The following AGA variants were observed in gnomAD, a reference collection of about 807,000 sequenced individuals.
AGA encodes aspartylglucosaminidase, also known as N(4)-(beta-N-acetylglucosaminyl)-L-asparaginase.
A neutral mutation model predicts 40.1 loss-of-function variants in AGA; 31 were observed. The ratio of observed to expected loss-of-function variants is 0.77; its 90% CI spans 0.58 to 1.04. The LOEUF (loss-of-function observed/expected upper bound fraction) is 1.04, where lower values mean the gene tolerates loss of function less well. Ranked by LOEUF, AGA falls within the 50% of genes least tolerant of loss-of-function variation. The pLI is 0.00. For synonymous variants in AGA, 148 were observed against 144.0 expected, an observed-to-expected ratio of 1.03 and a Z score of -0.20; for missense variants, 445 against 435.4, an observed-to-expected ratio of 1.02 and a Z score of -0.20.
In AGA at chr4:177,439,562, A is replaced by G. The variant is rs1736925120; in HGVS notation, c.394+14T>C. On this transcript the variant is annotated intron_variant, in intron 3 of 8. Transcript: ENST00000264595. ...AAAAGACTAGAAAAAATTTCAGTGT[A>G]GTTAAAAAAATACCTGACTCTCCTA... 2 of 1,572,486 alleles carry G rather than the reference A, an allele frequency of 1.3e-6. No individual in the cohort carries two copies. The highest frequency in any genetic ancestry group is 2.7e-5 in the African/African-American group (2 of 73,938).
chr4:177,440,246 T>C (rs1560950615), intron 2 of AGA, 27 bp downstream of exon 2: 1 of 1,613,462 alleles, frequency 6.2e-7, no homozygotes, highest in East Asian at 2.2e-5. Flanking sequence ...CTCAACATAA[T>C]AAATAGGACC....
At chr4:177,441,519 C>A (rs1737010771) in intron 1 of AGA, among the ~76,000 whole-genome samples, 1 of 152,128 alleles carries the variant, frequency 6.6e-6, no homozygotes, top group Non-Finnish European at 1.5e-5. Context: ...AAGGCAGGAA[C>A]CTAACTCATT....
Position 177,434,487 on chromosome 4 carries a change from C to T in AGA, c.701G>A (p.Arg234His), listed in dbSNP as rs747683614. The T allele has an allele frequency of 5.0e-6, 8 of 1,613,656 alleles. No individual in the cohort carries two copies. Among genetic ancestry groups the T allele is most frequent in the East Asian group, 2.2e-5 (1 of 44,874 alleles). Residue 234 changes from arginine to histidine, a missense_variant and splice_region_variant, in exon 7 of 9, where the codon CGT (arginine) becomes CAT (histidine). Arg to His is a conservative substitution (Grantham distance 29). Transcript: ENST00000264595. ...TCCAGGTATTGGTGAGTCTCCTACA[C>T]GGCTTTGAGAGGGTATTAACAATTT... ...TNGIKFKIHG[R>H]VGDSPIPGAG...
In AGA at chr4:177,442,336, A is replaced by G. The variant is rs774714950; in HGVS notation, c.40T>C (p.Phe14Leu). 4 of 1,614,068 alleles carry G rather than the reference A, an allele frequency of 2.5e-6. No individual in the cohort carries two copies. Among genetic ancestry groups the G allele is most frequent in the Non-Finnish European group, 1.7e-6 (2 of 1,179,946 alleles). The change falls in exon 1 of 9, where the codon TTT becomes CTT. Residue 14 changes from phenylalanine to leucine, a missense_variant. By Grantham distance (22) the Phe-to-Leu change is conservative. Transcript: ENST00000264595. Reference protein sequence around the residue: ...KSNLPVLLVPFLLCQALVRCS... With the variant: ...KSNLPVLLVPLLLCQALVRCS... ...CGCACTAGGGCCTGGCAGAGCAGAA[A>G]CGGCACGAGAAGCACAGGCAAGTTC...
chr4:177,440,239 A>C, intron 2 of AGA, 34 bp downstream of exon 2: 3 of 1,612,984 alleles, frequency 1.9e-6, no homozygotes, highest in African/African-American at 1.3e-5. Context: ...AATGTAACTC[A>C]ACATAATAAA....
rs373800568 is a variant in AGA at position 177,439,027 on chromosome 4, C to T, written c.395-170G>A. Among the ~76,000 whole-genome samples, 65 of 152,280 alleles carry T rather than the reference C, an allele frequency of 4.3e-4. 2 individuals are homozygous for T. The South Asian group carries it at 0.012, about 27-fold the overall frequency. ...TTAAGAGACTCAATTTTTAGACCTT[C>T]GATTTCCTTATGCCTTTCCTAAAAC... On this transcript the variant is annotated intron_variant, in intron 3 of 8. Transcript: ENST00000264595.
chr4:177,437,312 T>C (rs1736854425), intron 5 of AGA, 93 bp downstream of exon 5: 1 of 899,038 alleles, frequency 1.1e-6, no homozygotes, highest in African/African-American at 1.7e-5. Context: ...GTTAAAACAA[T>C]CAAAATCAAC....
chr4:177,431,608 A>C lies in AGA; in HGVS notation c.*100T>G. ...ATTTTTGTGTTTATTTTACAAAAAG[A>C]CTTTAGAACACATGAGGAACACTAG... On this transcript the variant is annotated 3_prime_UTR_variant, in exon 9 of 9. Transcript: ENST00000264595. 1.0e-6 allele frequency: 1 copy of C among 969,392 alleles called. No homozygotes were observed. The highest frequency in any genetic ancestry group is 1.6e-6 in the Non-Finnish European group (1 of 615,412). The allele number at this position is 969,392 out of a possible 1,614,324, so 60.0% of individuals were successfully genotyped here.
In AGA at chr4:177,431,826, AAAG is replaced by A; in HGVS notation, c.941-21_941-19del. Reference sequence around the variant, plus strand: ...AGCAGCACCTGGGGCCAAAAATGAGAAAGAAGTTTGGTGAACTATAGGATGCAC... The same window carrying A: ...AGCAGCACCTGGGGCCAAAAATGAGAAAGTTTGGTGAACTATAGGATGCAC... On this transcript the variant is annotated intron_variant, in intron 8 of 8. Transcript: ENST00000264595. The A allele has an allele frequency of 6.3e-7, 1 of 1,599,330 alleles. No homozygotes were observed. Among genetic ancestry groups the A allele is most frequent in the Non-Finnish European group, 8.6e-7 (1 of 1,166,908 alleles).
Position 177,440,376 on chromosome 4 carries a change from C to A in AGA, c.178G>T (p.Gly60Cys), listed in dbSNP as rs1489211352. 6 of 1,614,060 alleles carry A rather than the reference C, an allele frequency of 3.7e-6. No individual in the cohort carries two copies. The highest frequency in any genetic ancestry group is 5.1e-6 in the Non-Finnish European group (6 of 1,180,030). ...GGSALDAVES[G>C]CAMCEREQCD... ...TGCTCTCTCTCACACATGGCACAGC[C>A]GCTCTCCACTGCATCCAGGGCAGAG... The change falls in exon 2 of 9, where the codon GGC (glycine) becomes TGC (cysteine). Residue 60 changes from glycine (G) to cysteine (C), a missense_variant. Physicochemically the swap from Gly to Cys is radical, Grantham distance 159. Transcript: ENST00000264595.
Position 177,442,426 on chromosome 4 carries a change from C to A in AGA, c.-51G>T. On this transcript the variant is annotated 5_prime_UTR_variant, in exon 1 of 9. Coordinates refer to ENST00000264595, the MANE Select transcript of AGA (RefSeq NM_000027.4). ...GAGAAAAGTCCCGGCAGCCAGCGAT[C>A]GCCGAACAATTAATCCCCAGTGCCC... 6.2e-7 allele frequency: 1 copy of A among 1,612,820 alleles called. No homozygotes were observed. Among genetic ancestry groups the A allele is most frequent in the South Asian group, 1.1e-5 (1 of 90,968 alleles).
At chr4:177,437,749 T>A (rs1736872133) in intron 4 of AGA, among the ~76,000 whole-genome samples, 1 of 152,166 alleles carries the variant, frequency 6.6e-6, no homozygotes, top group Non-Finnish European at 1.5e-5. Context: ...AGGTGAGGTA[T>A]CTATATTGCA....
rs1737053999 is a variant in AGA at position 177,442,232 on chromosome 4, A to G, written c.127+17T>C. 6.2e-7 allele frequency: 1 copy of G among 1,612,914 alleles called. No homozygotes were observed. The highest frequency in any genetic ancestry group is 8.5e-7 in the Non-Finnish European group (1 of 1,179,606). ...GCTCTCGCGGCGCAGCCGCCCGCCC[A>G]GGCCGCCAACCCGCACCTGCTTCGG... On this transcript the variant is annotated intron_variant, in intron 1 of 8. Coordinates refer to ENST00000264595, the MANE Select transcript of AGA (RefSeq NM_000027.4).
chr4:177,431,209 T>C lies in AGA; in HGVS notation c.*499A>G, dbSNP rs1252421144. 1.8e-5 allele frequency: 8 copies of C among 440,624 alleles called. No homozygotes were observed. The East Asian group carries it at 5.6e-4, about 31-fold the overall frequency. 27.3% of individuals were successfully genotyped at this position (440,624 alleles called of 1,614,324 possible). ...TCTCATGTTCTATCATCTTCCTTCC[T>C]CAAGTTTTTAGGGAATATTAAGTAA... is the stretch of plus-strand genomic sequence containing the variant. On this transcript the variant is annotated 3_prime_UTR_variant, in exon 9 of 9. Transcript: ENST00000264595.
chr4:177,431,580 T>G lies in AGA; in HGVS notation c.*128A>C, dbSNP rs1334662943. ...ATAGAAAGTGCCAATTCAACATAAA[T>G]TTATTTTTGTGTTTATTTTACAAAA... On this transcript the variant is annotated 3_prime_UTR_variant, in exon 9 of 9. Transcript: ENST00000264595. The G allele has an allele frequency of 1.3e-6, 1 of 788,366 alleles. No homozygotes were observed. The highest frequency in any genetic ancestry group is 2.0e-5 in the Admixed American group (1 of 49,248). The allele number at this position is 788,366 out of a possible 1,614,324, so 48.8% of individuals were successfully genotyped here.
In AGA at chr4:177,431,644, T is replaced by C; in HGVS notation, c.*64A>G. On this transcript the variant is annotated 3_prime_UTR_variant, in exon 9 of 9. Transcript: ENST00000264595. ...CATGAGGAACACTAGATGATGAGAG[T>C]GAGCAGCCTTTTCAGCCTTTGTTTC... is the stretch of plus-strand genomic sequence containing the variant. 7.5e-7 allele frequency: 1 copy of C among 1,337,272 alleles called. No homozygotes were observed. Among genetic ancestry groups the C allele is most frequent in the African/African-American group, 1.4e-5 (1 of 69,090 alleles). 82.8% of individuals were successfully genotyped at this position (1,337,272 alleles called of 1,614,324 possible).
At chr4:177,441,144 T>C (rs1734945601) in intron 1 of AGA, among the ~76,000 whole-genome samples, 1 of 119,392 alleles carries the variant, frequency 8.4e-6, no homozygotes, top group Admixed American at 8.7e-5. Context: ...GAGTGGGTGC[T>C]CTGGTTGGTA....
rs1268831351 is a variant in AGA at position 177,431,651 on chromosome 4, C to T, written c.*57G>A. On this transcript the variant is annotated 3_prime_UTR_variant, in exon 9 of 9. Transcript: ENST00000264595. The stretch of plus-strand genomic sequence containing the variant: ...AACACTAGATGATGAGAGTGAGCAG[C>T]CTTTTCAGCCTTTGTTTCTTTCTTC... The T allele has an allele frequency of 1.4e-6, 2 of 1,412,898 alleles. No homozygotes were observed. The highest frequency in any genetic ancestry group is 1.7e-4 in the Middle Eastern group (1 of 5,730). 87.5% of individuals were successfully genotyped at this position (1,412,898 alleles called of 1,614,324 possible).
At chr4:177,436,518 T>C (rs567619880) in intron 5 of AGA, among the ~76,000 whole-genome samples, 167 bp from the exon 6 acceptor site, 1 of 152,286 alleles carries the variant, frequency 6.6e-6, no homozygotes, top group South Asian at 2.1e-4. Context: ...GGTGAGGCCT[T>C]TGGGAGCTCA....
Sources: allele counts gnomAD v4.1 joint callset (sites outside exome capture counted in the v4.1 genomes callset), GRCh38; gene constraint gnomAD v4.1.1; transcripts MANE v1.5; gene names NCBI Gene and HGNC (gene_info 2026-07-23, HGNC 2026-07-21).